The following UVRAG variants were observed in gnomAD, a reference collection of about 807,000 sequenced individuals.
The protein encoded by UVRAG is UV radiation resistance associated.
In UVRAG, 19 loss-of-function variants were observed where a neutral mutation model predicts 78.0. The observed-to-expected ratio is 0.24, with a 90% CI of 0.17 to 0.36. UVRAG has a LOEUF of 0.36. Ranked by LOEUF, UVRAG falls within the 10% of genes least tolerant of loss-of-function variation. The pLI, the probability that UVRAG is intolerant of heterozygous loss-of-function variation, is 1.00. For missense variants in UVRAG, 740 were observed against 853.8 expected (o/e 0.87, Z 1.66); for synonymous variants, 323 against 324.6 (o/e 1.00, Z 0.05).
chr11:75,935,541 A>G (rs1249788564), intron 6 of UVRAG, among the ~76,000 whole-genome samples: 2 of 152,162 alleles, frequency 1.3e-5, no homozygotes, highest in Non-Finnish European at 2.9e-5. Context: ...AAGATTGGAC[A>G]GGCTGCCACT....
chr11:76,031,394 G>C (rs76235407), intron 12 of UVRAG, among the ~76,000 whole-genome samples: 4,625 of 152,312 alleles, frequency 0.03, 253 homozygotes, highest in African/African-American at 0.1. Flanking sequence ...TCCGCTGAGA[G>C]AGGAGAAATG....
chr11:75,926,033 G>A (rs1005618405), intron 6 of UVRAG, among the ~76,000 whole-genome samples: 1 of 151,722 alleles, frequency 6.6e-6, no homozygotes, highest in Non-Finnish European at 1.5e-5. Context: ...AGTCTTCCCA[G>A]TAAAAGTTTT....
chr11:75,941,196 C>T (rs1015427889), intron 6 of UVRAG, among the ~76,000 whole-genome samples: 1 of 152,136 alleles, frequency 6.6e-6, no homozygotes, highest in African/African-American at 2.4e-5. Flanking sequence ...ATGCCCTTCT[C>T]ACTTTGCTTT....
chr11:75,822,864 T>A (rs899819425), intron 1 of UVRAG, among the ~76,000 whole-genome samples: 1 of 152,032 alleles, frequency 6.6e-6, no homozygotes, highest in Non-Finnish European at 1.5e-5. Flanking sequence ...CTTCATCATG[T>A]AGGCATGATC....
At chr11:75,872,951 T>G (rs940482308) in intron 3 of UVRAG, among the ~76,000 whole-genome samples, 1 of 152,124 alleles carries the variant, frequency 6.6e-6, no homozygotes, top group African/African-American at 2.4e-5. Flanking sequence ...AATACGCTAG[T>G]AGAAATCCCT....
chr11:76,085,395 A>G (rs1166661601), intron 13 of UVRAG, among the ~76,000 whole-genome samples: 4 of 152,176 alleles, frequency 2.6e-5, no homozygotes, highest in Non-Finnish European at 5.9e-5. Context: ...TGTGATCCAC[A>G]GGCCAGCAGG....
chr11:75,984,182 G>GT (rs796753090), intron 8 of UVRAG, among the ~76,000 whole-genome samples: 177 of 152,252 alleles, frequency 1.2e-3, no homozygotes, highest in African/African-American at 4.0e-3. Flanking sequence ...ATATTTTCTT[G>GT]CTATGCTAGG....
At chr11:76,102,411 G>A (rs978108243) in intron 13 of UVRAG, among the ~76,000 whole-genome samples, 3 of 152,030 alleles carry the variant, frequency 2.0e-5, no homozygotes, top group Non-Finnish European at 4.4e-5. Context: ...ATTTTTGTAC[G>A]CTGATTTTGT....
At chr11:75,919,562 C>T (rs1947929783) in intron 6 of UVRAG, among the ~76,000 whole-genome samples, 1 of 152,166 alleles carries the variant, frequency 6.6e-6, no homozygotes, top group Non-Finnish European at 1.5e-5. Context: ...TGTTTGGATT[C>T]TTAAACAGCC....
chr11:75,928,474 A>G (rs1047270824), intron 6 of UVRAG, among the ~76,000 whole-genome samples: 1 of 152,146 alleles, frequency 6.6e-6, no homozygotes. Context: ...ATTGAATCAA[A>G]TATTGATGGC....
intron 7 of UVRAG, among the ~76,000 whole-genome samples, chr11:75,967,994 A>G (rs746081678): frequency 1.3e-5 from 2 of 152,266 alleles, no homozygotes; most frequent in South Asian, 2.1e-4. Context: ...AATATGATCA[A>G]TGTGAAGACA....
chr11:75,896,689 G>T (rs1947350970), intron 5 of UVRAG, among the ~76,000 whole-genome samples: 1 of 152,178 alleles, frequency 6.6e-6, no homozygotes, highest in Non-Finnish European at 1.5e-5. Context: ...GTGAATGAAG[G>T]TGAATGCTTG....
At chr11:76,068,599 G>A (rs1951242201) in intron 13 of UVRAG, among the ~76,000 whole-genome samples, 1 of 152,144 alleles carries the variant, frequency 6.6e-6, no homozygotes, top group Non-Finnish European at 1.5e-5. Context: ...AGCCCTTTAA[G>A]CAGTTAGAAA....
chr11:75,939,144 A>G (rs140697846), intron 6 of UVRAG, among the ~76,000 whole-genome samples: 16 of 151,212 alleles, frequency 1.1e-4, no homozygotes, highest in Admixed American at 2.6e-4. Context: ...CTGTCACTCT[A>G]TTTTGGCCAG....
chr11:75,913,465 C>T (rs557255197), intron 6 of UVRAG, among the ~76,000 whole-genome samples: 6 of 152,200 alleles, frequency 3.9e-5, no homozygotes, highest in African/African-American at 1.4e-4. Context: ...CTGCCTTTAT[C>T]TTTGATTTAT....
chr11:75,835,930 T>TA (rs1407493286), intron 1 of UVRAG, among the ~76,000 whole-genome samples: 4 of 151,244 alleles, frequency 2.6e-5, no homozygotes, highest in South Asian at 2.1e-4. Context: ...TGTCTCTACT[T>TA]AAAAAAAATA....
chr11:75,953,718 C>T (rs939700227), intron 6 of UVRAG, among the ~76,000 whole-genome samples: 1 of 152,044 alleles, frequency 6.6e-6, no homozygotes, highest in African/African-American at 2.4e-5. Context: ...TTTACGTTCA[C>T]AGAAATATAT....
chr11:75,864,064 T>TC (rs1465993363), intron 3 of UVRAG, among the ~76,000 whole-genome samples: 1 of 151,754 alleles, frequency 6.6e-6, no homozygotes, highest in Non-Finnish European at 1.5e-5. Context: ...TATTAACTTT[T>TC]TTTTTTTTTT....
chr11:76,076,362 AT>A, intron 13 of UVRAG, among the ~76,000 whole-genome samples: 1 of 152,302 alleles, frequency 6.6e-6, no homozygotes, highest in African/African-American at 2.4e-5. Context: ...AGTAGAAGCA[AT>A]TTTACTGTGT....
Sources: allele counts gnomAD v4.1 joint callset (sites outside exome capture counted in the v4.1 genomes callset), GRCh38; gene constraint gnomAD v4.1.1; transcripts MANE v1.5; gene names NCBI Gene and HGNC (gene_info 2026-07-23, HGNC 2026-07-21).